The following EXOC4 variants were observed in gnomAD, a reference collection of about 807,000 sequenced individuals.
The protein encoded by EXOC4 is SEC8-like 1.
A neutral mutation model predicts 107.2 loss-of-function variants in EXOC4; 71 were observed. The observed-to-expected ratio is 0.66, with a 90% confidence interval of 0.55 to 0.81. The LOEUF (loss-of-function observed/expected upper bound fraction) is 0.81. Among genes scored for constraint, EXOC4 ranks in the 30% least tolerant of loss-of-function variants. The pLI is 0.00. For missense variants in EXOC4, 1,108 were observed against 1,189.6 expected, an observed-to-expected ratio of 0.93 and a Z score of 1.01; for synonymous variants, 456 against 441.2, an observed-to-expected ratio of 1.03 and a Z score of -0.42.
At chr7:133,260,675 A>G (rs1795128369) in intron 1 of EXOC4, among the ~76,000 whole-genome samples, 1 of 152,122 alleles carries the variant, frequency 6.6e-6, no homozygotes, top group Admixed American at 6.5e-5. Context: ...CTGCAATAAA[A>G]CCTGCTGGGA....
At chr7:133,684,493 G>A (rs993648183) in intron 10 of EXOC4, among the ~76,000 whole-genome samples, 1 of 152,064 alleles carries the variant, frequency 6.6e-6, no homozygotes, top group Non-Finnish European at 1.5e-5. Flanking sequence ...TGATAGATTT[G>A]TGGGTTCTAT....
chr7:133,408,680 C>T (rs1797284279), intron 7 of EXOC4, among the ~76,000 whole-genome samples: 2 of 152,126 alleles, frequency 1.3e-5, no homozygotes, highest in Admixed American at 1.3e-4. Context: ...CCATAATTTA[C>T]TACATGCCTA....
intron 11 of EXOC4, among the ~76,000 whole-genome samples, chr7:133,830,368 C>T (rs530924579): frequency 6.6e-6 from 1 of 152,334 alleles, no homozygotes; most frequent in Admixed American, 6.5e-5. Context: ...GGCTGGCCTG[C>T]CAGTTAATTT....
At chr7:133,825,647 G>C (rs963228559) in intron 11 of EXOC4, among the ~76,000 whole-genome samples, 1 of 152,158 alleles carries the variant, frequency 6.6e-6, no homozygotes, top group African/African-American at 2.4e-5. Context: ...GTAGCGTATT[G>C]TTTTCATCAT....
intron 7 of EXOC4, among the ~76,000 whole-genome samples, chr7:133,407,653 C>T (rs763527719): frequency 6.6e-6 from 1 of 152,100 alleles, no homozygotes; most frequent in Non-Finnish European, 1.5e-5. Context: ...AACTGAAAAG[C>T]GTGGCCATAA....
chr7:133,768,742 A>G (rs1009924316), intron 10 of EXOC4, among the ~76,000 whole-genome samples: 17 of 151,980 alleles, frequency 1.1e-4, no homozygotes, highest in Non-Finnish European at 7.4e-5. Flanking sequence ...TTTGAGATTG[A>G]CTATCATGTA....
intron 10 of EXOC4, among the ~76,000 whole-genome samples, chr7:133,758,370 C>T (rs1055947860): frequency 6.6e-6 from 1 of 152,062 alleles, no homozygotes; most frequent in African/African-American, 2.4e-5. Context: ...AATTCCAGAC[C>T]GCAAGTGATT....
At chr7:134,047,137 A>C (rs968780872) in intron 17 of EXOC4, among the ~76,000 whole-genome samples, 1 of 152,200 alleles carries the variant, frequency 6.6e-6, no homozygotes, top group African/African-American at 2.4e-5. Flanking sequence ...ATGGCCTTTG[A>C]AAAACTTTAG....
At chr7:133,758,254 C>T (rs1314061319) in intron 10 of EXOC4, among the ~76,000 whole-genome samples, 1 of 152,136 alleles carries the variant, frequency 6.6e-6, no homozygotes, top group East Asian at 1.9e-4. Flanking sequence ...AAGCGATTCT[C>T]CTGCCTCAGC....
chr7:133,592,160 CA>C (rs1801564909), intron 9 of EXOC4, among the ~76,000 whole-genome samples: 1 of 152,086 alleles, frequency 6.6e-6, no homozygotes. Context: ...CTCCTGTGCT[CA>C]AGTGATCTTC....
At chr7:133,298,610 A>G (rs1183351951) in intron 3 of EXOC4, among the ~76,000 whole-genome samples, 2 of 152,136 alleles carry the variant, frequency 1.3e-5, no homozygotes, top group South Asian at 2.1e-4. Flanking sequence ...AAGCTTTCCT[A>G]TGAGCAGTTT....
intron 14 of EXOC4, among the ~76,000 whole-genome samples, chr7:133,996,434 G>A (rs1794393964): frequency 6.6e-6 from 1 of 152,116 alleles, no homozygotes; most frequent in African/African-American, 2.4e-5. Flanking sequence ...TGAGGACATG[G>A]GGATACAATA....
intron 9 of EXOC4, among the ~76,000 whole-genome samples, chr7:133,600,711 C>T (rs1334412619): frequency 6.6e-6 from 1 of 152,168 alleles, no homozygotes; most frequent in African/African-American, 2.4e-5. Flanking sequence ...AGAAAATAAG[C>T]TTTACAACTT....
At chr7:134,017,291 A>T (rs977233201) in intron 17 of EXOC4, among the ~76,000 whole-genome samples, 2 of 152,142 alleles carry the variant, frequency 1.3e-5, no homozygotes, top group Non-Finnish European at 2.9e-5. Flanking sequence ...TTTAATGATG[A>T]TGCCCCTTAA....
At chr7:133,751,561 G>A (rs1795793715) in intron 10 of EXOC4, among the ~76,000 whole-genome samples, 2 of 152,156 alleles carry the variant, frequency 1.3e-5, no homozygotes, top group African/African-American at 2.4e-5. Flanking sequence ...AAGCAGGAAG[G>A]CATAAGTTAG....
intron 9 of EXOC4, among the ~76,000 whole-genome samples, chr7:133,555,180 C>T (rs1800668096): frequency 6.6e-6 from 1 of 152,132 alleles, no homozygotes; most frequent in African/African-American, 2.4e-5. Flanking sequence ...GATGGAAAAA[C>T]TAGTAATATT....
chr7:133,323,917 A>G (rs576910964), intron 5 of EXOC4, among the ~76,000 whole-genome samples: 35 of 152,200 alleles, frequency 2.3e-4, no homozygotes, highest in African/African-American at 6.0e-4. Context: ...CAGAGATTCA[A>G]CTTCTTCCTG....
chr7:133,471,087 A>G lies in EXOC4; in HGVS notation c.1183-4241A>G, dbSNP rs527990863. Among the ~76,000 whole-genome samples the G allele has an allele frequency of 2.6e-5, 4 of 152,300 alleles. No homozygotes were observed. The East Asian group carries it at 7.7e-4, about 29-fold the overall frequency. ...AATTCAAATAAATTTCAGGTATCCTAGAAATAAAGGCTTTTTTGTTCTTTG... is the reference window on the plus strand; with the variant it reads ...AATTCAAATAAATTTCAGGTATCCTGGAAATAAAGGCTTTTTTGTTCTTTG... On this transcript the variant is annotated intron_variant, in intron 7 of 17. Coordinates refer to ENST00000253861, the MANE Select transcript of EXOC4 (RefSeq NM_021807.4).
intron 9 of EXOC4, among the ~76,000 whole-genome samples, chr7:133,601,273 T>C (rs910089540): frequency 2.0e-5 from 3 of 152,172 alleles, no homozygotes; most frequent in Admixed American, 6.5e-5. Flanking sequence ...CTGTTATTTT[T>C]ATTTGGAGAC....
Sources: gnomAD v4.1 joint callset for allele counts (sites outside exome capture counted in the v4.1 genomes callset) on GRCh38, gnomAD v4.1.1 for gene constraint, MANE v1.5 for transcripts, NCBI Gene and HGNC (gene_info 2026-07-23, HGNC 2026-07-21) for gene names.